PCDHGA2: variants seen among roughly 807,000 people sequenced by gnomAD.
PCDHGA2 encodes the protein protocadherin gamma subfamily A, 2.
Under a neutral mutation model 59.2 loss-of-function variants are expected in PCDHGA2, and 40 were observed. That is an observed-to-expected ratio of 0.68 (90% CI 0.52 to 0.88). The LOEUF is 0.88. Among genes scored for constraint, PCDHGA2 ranks in the 40% least tolerant of loss-of-function variants. The probability of loss-of-function intolerance (pLI) is 0.00; values close to 1 mark genes in which losing one functional copy is unlikely to be tolerated. For missense variants in PCDHGA2, 1,226 were observed against 1,204.0 expected (o/e 1.02, Z -0.27); for synonymous variants, 560 against 526.0 (o/e 1.06, Z -0.89).
chr5:141,433,365 A>ATCTG, intron 1 of PCDHGA2: 1 of 523,830 alleles, frequency 1.9e-6, no homozygotes, highest in East Asian at 3.1e-5. Context: ...CTGCCTATCT[A>ATCTG]TCTATCTATC....
At chr5:141,385,135 G>T (rs948872903) in intron 1 of PCDHGA2, 7 of 1,614,214 alleles carry the variant, frequency 4.3e-6, no homozygotes, top group African/African-American at 2.7e-5. Context: ...CATGGACGGG[G>T]TGCAGGCTTT....
chr5:141,494,784 C>T, intron 1 of PCDHGA2, 23 bp from the exon 2 acceptor site: 1 of 1,614,110 alleles, frequency 6.2e-7, no homozygotes, highest in Non-Finnish European at 8.5e-7. Flanking sequence ...TACTCAGCCC[C>T]TTTCCCTCTG....
At chr5:141,452,831 G>A (rs1184490491) in intron 1 of PCDHGA2, among the ~76,000 whole-genome samples, 1 of 152,104 alleles carries the variant, frequency 6.6e-6, no homozygotes, top group Non-Finnish European at 1.5e-5. Flanking sequence ...AAAATCACTT[G>A]GTCCAGCCCA....
At chr5:141,387,768 T>G (rs892776132) in intron 1 of PCDHGA2, 1 of 1,435,344 alleles carries the variant, frequency 7.0e-7, no homozygotes, top group African/African-American at 1.4e-5. Context: ...AGAAGAATTT[T>G]TTCTTGAACT....
chr5:141,462,240 A>G (rs375419703), intron 1 of PCDHGA2, among the ~76,000 whole-genome samples: 2 of 152,216 alleles, frequency 1.3e-5, no homozygotes, highest in South Asian at 4.1e-4. Context: ...GATTACAGGT[A>G]TGAGCCACCA....
At chr5:141,390,163 C>T (rs376391116) in intron 1 of PCDHGA2, 27 of 1,613,874 alleles carry the variant, frequency 1.7e-5, no homozygotes, top group African/African-American at 2.7e-5. Flanking sequence ...ACAGGAAAGA[C>T]GGAGTTTAAT....
intron 1 of PCDHGA2, chr5:141,430,515 G>A (rs1016446331): frequency 2.1e-5 from 7 of 340,180 alleles, no homozygotes; most frequent in Admixed American, 1.8e-4. Flanking sequence ...TCAAGATTGT[G>A]CAGTAATTGG....
chr5:141,456,390 T>G (rs1007800936), intron 1 of PCDHGA2, among the ~76,000 whole-genome samples: 2 of 152,114 alleles, frequency 1.3e-5, no homozygotes, highest in African/African-American at 4.8e-5. Context: ...CGTTTGGAGT[T>G]TGATTGCTTC....
At chr5:141,380,893 A>G (rs1776824840) in intron 1 of PCDHGA2, among the ~76,000 whole-genome samples, 2 of 152,246 alleles carry the variant, frequency 1.3e-5, no homozygotes, top group East Asian at 3.8e-4. Flanking sequence ...TTTGTTTGAA[A>G]ATATCTACAA....
At chr5:141,368,154 C>CTGTAT (rs1765511938) in intron 1 of PCDHGA2, among the ~76,000 whole-genome samples, 3 of 152,024 alleles carry the variant, frequency 2.0e-5, no homozygotes, top group Admixed American at 6.6e-5. Flanking sequence ...CTTTTAAAAC[C>CTGTAT]TTGAGCATCA....
intron 1 of PCDHGA2, chr5:141,356,746 G>A (rs1312921384): frequency 1.2e-5 from 19 of 1,613,970 alleles, no homozygotes; most frequent in Admixed American, 1.7e-5. Context: ...GATCCTATAT[G>A]CTCTTTGCTC....
intron 1 of PCDHGA2, chr5:141,341,700 T>C (rs1416241144): frequency 1.8e-6 from 1 of 542,334 alleles, no homozygotes; most frequent in Non-Finnish European, 3.2e-6. Flanking sequence ...CCTGGGCAAA[T>C]CATCTCATCC....
At chr5:141,352,442 T>A in intron 1 of PCDHGA2, 2 of 1,614,058 alleles carry the variant, frequency 1.2e-6, no homozygotes, top group Non-Finnish European at 8.5e-7. Context: ...AACCGGTCTC[T>A]GCTCCAAGTC....
At chr5:141,443,137 A>G (rs1202995621) in intron 1 of PCDHGA2, among the ~76,000 whole-genome samples, 1 of 152,174 alleles carries the variant, frequency 6.6e-6, no homozygotes, top group Non-Finnish European at 1.5e-5. Flanking sequence ...GAACACTATC[A>G]TAAGTTATAC....
chr5:141,447,119 A>AT (rs2098526425), intron 1 of PCDHGA2, among the ~76,000 whole-genome samples: 1 of 150,848 alleles, frequency 6.6e-6, no homozygotes, highest in South Asian at 2.1e-4. Flanking sequence ...TGCTCCATGG[A>AT]TTTTTTTGTT....
chr5:141,409,149 C>T (rs1248646625), intron 1 of PCDHGA2: 1 of 1,613,948 alleles, frequency 6.2e-7, no homozygotes, highest in Non-Finnish European at 8.5e-7. Context: ...GAAAGGTACA[C>T]CATGGAAGTG....
chr5:141,356,494 C>G, intron 1 of PCDHGA2: 1 of 1,613,998 alleles, frequency 6.2e-7, no homozygotes, highest in Non-Finnish European at 8.5e-7. Flanking sequence ...AACTCCTCCA[C>G]TGTCTACAGA....
intron 1 of PCDHGA2, chr5:141,346,178 G>C (rs770120119): frequency 1.9e-6 from 3 of 1,614,056 alleles, no homozygotes; most frequent in South Asian, 2.2e-5. Context: ...TGGCGCTCAG[G>C]CTGCGGCGCT....
rs1442619702 is a variant in PCDHGA2, at chr5:141,345,123, A to G, written c.2424+3728A>G. ...AGTCCCAGAAGAGGGCACCGTTGGA[A>G]GAGAAATTGCTCTTATCGACGTGCA... is the stretch of plus-strand genomic sequence containing the variant. On this transcript the variant is annotated intron_variant, in intron 1 of 3. Coordinates refer to ENST00000394576, the MANE Select transcript of PCDHGA2 (RefSeq NM_018915.4). The G allele has an allele frequency of 3.1e-6, 5 of 1,613,898 alleles. No homozygotes were observed. The East Asian group carries it at 1.1e-4, about 36-fold the overall frequency.
Sources: gnomAD v4.1 joint callset for allele counts (sites outside exome capture counted in the v4.1 genomes callset) on GRCh38, gnomAD v4.1.1 for gene constraint, MANE v1.5 for transcripts, NCBI Gene and HGNC (gene_info 2026-07-23, HGNC 2026-07-21) for gene names.